Variants in DHX29 observed in about 807,000 individuals in gnomAD.
DHX29 encodes the protein ATP-dependent RNA helicase DHX29.
DHX29 carries 79 observed loss-of-function variants against 167.9 expected under a neutral mutation model. The ratio of observed to expected loss-of-function variants is 0.47; its 90% confidence interval spans 0.39 to 0.57. The LOEUF (loss-of-function observed/expected upper bound fraction) is 0.57, where lower values mean the gene tolerates loss of function less well. Among genes scored for constraint, DHX29 ranks in the 20% least tolerant of loss-of-function variants. The probability of loss-of-function intolerance (pLI) is 0.00; values close to 1 mark genes in which losing one functional copy is unlikely to be tolerated. For missense variants in DHX29, 1,347 were observed against 1,593.4 expected, an observed-to-expected ratio of 0.85 and a Z score of 2.63; for synonymous variants, 530 against 546.0, an observed-to-expected ratio of 0.97 and a Z score of 0.41.
intron 1 of DHX29, among the ~76,000 whole-genome samples, chr5:55,301,713 C>CAAAAAAAAAAAAAAA (rs70992777): frequency 3.1e-5 from 2 of 64,742 alleles, no homozygotes; most frequent in Admixed American, 1.9e-4. Context: ...AACTCCATCT[C>CAAAAAAAAAAAAAAA]AAAAAAAAAA....
At chr5:55,293,874 C>T in intron 6 of DHX29, 143 bp downstream of exon 6, 2 of 779,992 alleles carry the variant, frequency 2.6e-6, no homozygotes, top group East Asian at 3.2e-5. Context: ...AAGTTTTTGC[C>T]TAAGTGTTAT....
intron 18 of DHX29, among the ~76,000 whole-genome samples, chr5:55,271,566 G>C (rs1379765237): frequency 2.6e-5 from 4 of 152,346 alleles, no homozygotes; most frequent in Admixed American, 2.6e-4. Context: ...CAGGGAGGTG[G>C]AGGCTGCAGT....
chr5:55,272,013 T>C, intron 18 of DHX29, 74 bp downstream of exon 18: 1 of 847,742 alleles, frequency 1.2e-6, no homozygotes, highest in South Asian at 1.8e-5. Context: ...AATTTTAGGA[T>C]TTCTCCCAAG....
At chr5:55,284,861 T>C (rs1747632840) in intron 10 of DHX29, among the ~76,000 whole-genome samples, 1 of 152,154 alleles carries the variant, frequency 6.6e-6, no homozygotes, top group African/African-American at 2.4e-5. Flanking sequence ...AGACCCTGTC[T>C]CTATACAACT....
At position 55,307,393 on chromosome 5, in the gene DHX29, T is replaced by C; in HGVS notation, c.181A>G (p.Lys61Glu). 2.5e-6 allele frequency: 4 copies of C among 1,612,844 alleles called. No homozygotes were observed. The highest frequency in any genetic ancestry group is 2.2e-5 in the East Asian group (1 of 44,868). ...AAAGSREPRV[K>E]QGPKIYSFNS... ...GCTGGGGGACCTCTCGTACCTTGCT[T>C]GACACGGGGCTCCCTGGAGCCGGCA... is the stretch of plus-strand genomic sequence containing the variant. Residue 61 changes from lysine to glutamate, a missense_variant, in exon 1 of 27, where the codon AAG (lysine) becomes GAG (glutamate). Physicochemically the swap from Lys to Glu is moderately conservative, Grantham distance 56 (BLOSUM62 1). Transcript: ENST00000251636.
At position 55,295,373 on chromosome 5, in the gene DHX29, A is replaced by G. The variant is rs1748261676; in HGVS notation, c.651+6T>C. On this transcript the variant is annotated splice_donor_region_variant and intron_variant, in intron 5 of 26. Transcript: ENST00000251636. ...TACAACTTTAAATGCTTAATTCTCAAATTACCTTACTCTTAGGGTCCTCTT... is the reference window on the plus strand; with the variant it reads ...TACAACTTTAAATGCTTAATTCTCAGATTACCTTACTCTTAGGGTCCTCTT... 1 of 1,601,642 alleles carries G rather than the reference A, an allele frequency of 6.2e-7. No individual in the cohort carries two copies. The highest frequency in any genetic ancestry group is 1.1e-5 in the South Asian group (1 of 90,544).
At chr5:55,307,258 G>T in intron 1 of DHX29, 129 bp downstream of exon 1, 1 of 776,170 alleles carries the variant, frequency 1.3e-6, no homozygotes, top group Non-Finnish European at 2.0e-6. Context: ...CCCATGGGGA[G>T]GTAGCAGCTC....
intron 21 of DHX29, 76 bp from the exon 22 acceptor site, chr5:55,267,898 G>T: frequency 8.7e-7 from 1 of 1,154,842 alleles, no homozygotes; most frequent in Non-Finnish European, 1.2e-6. Flanking sequence ...ATAAAAGAAA[G>T]CAAATCATAA....
chr5:55,275,032 G>A (rs1484891537), intron 14 of DHX29, 22 bp from the exon 15 acceptor site: 46 of 1,601,990 alleles, frequency 2.9e-5, no homozygotes, highest in Non-Finnish European at 3.7e-5. Flanking sequence ...CCAACCAGAG[G>A]GAGGTGAATA....
intron 10 of DHX29, among the ~76,000 whole-genome samples, chr5:55,284,780 T>C (rs1285767972): frequency 6.6e-6 from 1 of 152,244 alleles, no homozygotes; most frequent in Non-Finnish European, 1.5e-5. Flanking sequence ...ATAATTTTTT[T>C]AAGTTGAGCG....
chr5:55,262,816 G>A lies in DHX29; in HGVS notation c.3642C>T (p.Ala1214=). ...CAGCCACCAGTACAGCTTTAAGAAGGGCAATTTCTTGGAATGAGAGGGTCT... is the reference window on the plus strand; with the variant it reads ...CAGCCACCAGTACAGCTTTAAGAAGAGCAATTTCTTGGAATGAGAGGGTCT... The part of the protein sequence containing the change: ...ASQTLSFQEI[A]LLKAVLVAGL... The change falls in exon 24 of 27, where the codon GCC becomes GCT. Residue 1214 remains alanine, a synonymous_variant. Transcript: ENST00000251636. 1.2e-6 allele frequency: 2 copies of A among 1,613,972 alleles called. No homozygotes were observed. Among genetic ancestry groups the A allele is most frequent in the Non-Finnish European group, 1.7e-6 (2 of 1,179,966 alleles).
intron 21 of DHX29, among the ~76,000 whole-genome samples, chr5:55,268,180 T>C (rs1393758756): frequency 1.3e-5 from 2 of 152,188 alleles, no homozygotes; most frequent in African/African-American, 4.8e-5. Flanking sequence ...TTAGAGGCAA[T>C]CTGGGAATCC....
At chr5:55,275,071 GA>G (rs1490072702) in intron 14 of DHX29, 61 bp from the exon 15 acceptor site, 3 of 1,567,258 alleles carry the variant, frequency 1.9e-6, no homozygotes, top group Non-Finnish European at 2.6e-6. Flanking sequence ...GTAAGACAAA[GA>G]AGGAAAAAAG....
rs1746374301 is a variant in DHX29 at position 55,262,837 on chromosome 5, G to T, written c.3621C>A (p.Thr1207=). 8 of 1,613,852 alleles carry T rather than the reference G, an allele frequency of 5.0e-6. No homozygotes were observed. Among genetic ancestry groups the T allele is most frequent in the Non-Finnish European group, 6.8e-6 (8 of 1,179,840 alleles). The change falls in exon 24 of 27, where the codon ACC becomes ACA. Residue 1207 remains threonine (T), a synonymous_variant. Transcript: ENST00000251636. ...TSWEGNRASQ[T]LSFQEIALLK... is the part of the protein sequence containing the mutation. ...GAAGGGCAATTTCTTGGAATGAGAG[G>T]GTCTGTGAGGCTCTGTTTCCTTCCC...
intron 6 of DHX29, among the ~76,000 whole-genome samples, chr5:55,291,215 C>T (rs572479146): frequency 6.6e-6 from 1 of 152,224 alleles, no homozygotes; most frequent in East Asian, 1.9e-4. Context: ...TAAAGTTAAA[C>T]TCAAATTACT....
At chr5:55,301,623 G>A (rs1345528237) in intron 1 of DHX29, among the ~76,000 whole-genome samples, 1 of 145,654 alleles carries the variant, frequency 6.9e-6, no homozygotes, top group Non-Finnish European at 1.5e-5. Context: ...TGAGGCAGGA[G>A]AATCGCTTGA....
At position 55,285,726 on chromosome 5, in the gene DHX29, T is replaced by C; in HGVS notation, c.1202A>G (p.Lys401Arg). The change falls in exon 9 of 27, where the codon AAA becomes AGA. Residue 401 changes from lysine to arginine, a missense_variant. Lys to Arg is a conservative substitution (Grantham distance 26). Around this residue, in one of 3 missense-constraint regions of DHX29, gnomAD observed 60 missense variants for 94.2 expected, o/e 0.64. Coordinates refer to ENST00000251636, the MANE Select transcript of DHX29 (RefSeq NM_019030.4). ...TTTCCAGTATCTACCTACTGGAACT[T>C]TTTCAAAGGAAGGATTTGGACTCTT... is the stretch of plus-strand genomic sequence containing the variant. ...LPKSPNPSFE[K>R]VPVGRYWKCR... 2 of 1,586,098 alleles carry C rather than the reference T, an allele frequency of 1.3e-6. No individual in the cohort carries two copies. The highest frequency in any genetic ancestry group is 2.3e-5 in the South Asian group (2 of 86,534).
At chr5:55,276,981 C>T (rs920645315) in intron 13 of DHX29, 125 bp downstream of exon 13, 2 of 618,822 alleles carry the variant, frequency 3.2e-6, no homozygotes, top group South Asian at 2.6e-5. Flanking sequence ...CTGTGTCCAG[C>T]TCCTCTGCTG....
chr5:55,256,725 T>C (rs1746077252), intron 26 of DHX29, among the ~76,000 whole-genome samples, 185 bp from the exon 27 acceptor site: 2 of 152,210 alleles, frequency 1.3e-5, no homozygotes, highest in Non-Finnish European at 2.9e-5. Flanking sequence ...TTTATTGCTG[T>C]AGGTTATGCC....
Sources: allele counts gnomAD v4.1 joint callset (sites outside exome capture counted in the v4.1 genomes callset), GRCh38; gene constraint gnomAD v4.1.1; regional missense constraint gnomAD v4.1.1; transcripts MANE v1.5; gene names NCBI Gene and HGNC (gene_info 2026-07-23, HGNC 2026-07-21).